MTREX: variants seen among roughly 807,000 people sequenced by gnomAD.
MTREX encodes the protein Mtr4 exosome RNA helicase, also known as exosome RNA helicase MTR4.
MTREX carries 76 observed loss-of-function variants against 135.4 expected under a neutral mutation model. The observed-to-expected ratio is 0.56, with a 90% CI of 0.47 to 0.68. The LOEUF (loss-of-function observed/expected upper bound fraction) is 0.68. MTREX is among the 30% of genes least tolerant of loss of function. The pLI is 0.00. For missense variants in MTREX, 920 were observed against 1,262.1 expected (o/e 0.73, Z 4.11); for synonymous variants, 404 against 401.6 (o/e 1.01, Z -0.07).
intron 1 of MTREX, among the ~76,000 whole-genome samples, chr5:55,318,076 T>A (rs1423041007): frequency 6.6e-6 from 1 of 152,116 alleles, no homozygotes; most frequent in African/African-American, 2.4e-5. Flanking sequence ...TGAGATACCA[T>A]CTAACACCAG....
At chr5:55,377,472 A>G (rs966567689) in intron 16 of MTREX, among the ~76,000 whole-genome samples, 4 of 152,244 alleles carry the variant, frequency 2.6e-5, no homozygotes, top group Non-Finnish European at 5.9e-5. Flanking sequence ...ATGAAACTAT[A>G]TATTTGCCAA....
chr5:55,370,845 T>C (rs980681276), intron 16 of MTREX, among the ~76,000 whole-genome samples: 2 of 152,192 alleles, frequency 1.3e-5, no homozygotes, highest in African/African-American at 4.8e-5. Context: ...GCACTGGTAT[T>C]ATTTTTACCA....
intron 3 of MTREX, among the ~76,000 whole-genome samples, chr5:55,326,652 G>C (rs1024908643): frequency 2.6e-5 from 4 of 152,054 alleles, no homozygotes; most frequent in Admixed American, 6.5e-5. Flanking sequence ...TGTTCTGCCA[G>C]TATTCTTGGT....
intron 21 of MTREX, among the ~76,000 whole-genome samples, chr5:55,403,845 A>G (rs1420811680): frequency 6.6e-6 from 1 of 152,226 alleles, no homozygotes; most frequent in African/African-American, 2.4e-5. Flanking sequence ...TTTGAACCCC[A>G]TCTTTATCAC....
intron 12 of MTREX, 23 bp from the exon 13 acceptor site, chr5:55,350,896 T>C (rs1471981324): frequency 6.5e-7 from 1 of 1,531,928 alleles, no homozygotes; most frequent in East Asian, 2.3e-5. Context: ...CATTATAAAA[T>C]CAGTGTTATT....
intron 22 of MTREX, among the ~76,000 whole-genome samples, chr5:55,406,705 A>G (rs764549761): frequency 1.3e-5 from 2 of 152,188 alleles, no homozygotes; most frequent in Admixed American, 1.3e-4. Flanking sequence ...AGTAGCCACT[A>G]TTTAGCATTT....
At chr5:55,396,740 G>A (rs777380947) in intron 19 of MTREX, among the ~76,000 whole-genome samples, 15 of 152,294 alleles carry the variant, frequency 9.8e-5, no homozygotes, top group Middle Eastern at 6.8e-3. Context: ...TTTGCTATCA[G>A]CAAGCCAGTG....
At chr5:55,385,133 G>A (rs1476442803) in intron 18 of MTREX, among the ~76,000 whole-genome samples, 1 of 152,176 alleles carries the variant, frequency 6.6e-6, no homozygotes, top group Non-Finnish European at 1.5e-5. Context: ...AAGTCTCTGA[G>A]TCAAAATTCT....
intron 1 of MTREX, among the ~76,000 whole-genome samples, chr5:55,313,187 A>G (rs1239618709): frequency 1.3e-5 from 2 of 151,702 alleles, no homozygotes; most frequent in African/African-American, 2.4e-5. Context: ...CTGTAATCCC[A>G]GCACTTTCGG....
rs74915001 is a variant in MTREX at position 55,360,652 on chromosome 5, A to G, written c.1659+1954A>G. ...TTTGGTTAATAGCCATCCTTGGGGT[A>G]TGAAGGAGAACATTTCACTTTGAAT... On this transcript the variant is annotated intron_variant, in intron 15 of 26. Coordinates refer to ENST00000230640, the MANE Select transcript of MTREX (RefSeq NM_015360.5). Among the ~76,000 whole-genome samples the G allele has an allele frequency of 3.0e-4, 46 of 152,282 alleles. 1 individual carries two copies. In the East Asian group the frequency reaches 8.5e-3, roughly 28 times the overall value.
At chr5:55,385,609 T>C (rs1750465453) in intron 18 of MTREX, among the ~76,000 whole-genome samples, 1 of 152,278 alleles carries the variant, frequency 6.6e-6, no homozygotes, top group African/African-American at 2.4e-5. Flanking sequence ...AAGACTTTAC[T>C]GAATTTTAGA....
chr5:55,360,176 T>C (rs1749984308), intron 15 of MTREX, among the ~76,000 whole-genome samples: 1 of 152,216 alleles, frequency 6.6e-6, no homozygotes, highest in Admixed American at 6.5e-5. Context: ...TTGTGGACAT[T>C]TCATATAAAC....
At chr5:55,332,330 T>C (rs1269033444) in intron 5 of MTREX, among the ~76,000 whole-genome samples, 1 of 152,150 alleles carries the variant, frequency 6.6e-6, no homozygotes, top group Non-Finnish European at 1.5e-5. Flanking sequence ...CTATGACCTT[T>C]CCAGTTGAGT....
intron 12 of MTREX, 28 bp downstream of exon 12, chr5:55,349,680 G>A (rs370760759): frequency 1.6e-6 from 2 of 1,220,470 alleles, no homozygotes; most frequent in Non-Finnish European, 2.4e-6. Flanking sequence ...GTAGATAAAA[G>A]TGTAGATAAT....
chr5:55,417,420 A>G (rs1444359855), intron 25 of MTREX, among the ~76,000 whole-genome samples: 1 of 152,234 alleles, frequency 6.6e-6, no homozygotes, highest in Non-Finnish European at 1.5e-5. Context: ...CTGTAACTAC[A>G]TGTAAGTTCA....
intron 20 of MTREX, among the ~76,000 whole-genome samples, chr5:55,399,438 C>T (rs1750689685): frequency 6.6e-6 from 1 of 152,078 alleles, no homozygotes; most frequent in Non-Finnish European, 1.5e-5. Flanking sequence ...TTGCATTTAA[C>T]CATTAATCAT....
chr5:55,380,345 C>T (rs574881360), intron 18 of MTREX, among the ~76,000 whole-genome samples: 1 of 152,242 alleles, frequency 6.6e-6, no homozygotes, highest in Admixed American at 6.5e-5. Flanking sequence ...ATATGTGCAA[C>T]CATCACCACA....
intron 16 of MTREX, among the ~76,000 whole-genome samples, chr5:55,370,111 C>T (rs371160204): frequency 1.1e-4 from 16 of 151,978 alleles, no homozygotes; most frequent in East Asian, 7.7e-4. Flanking sequence ...TTAGTAGAGA[C>T]GGGGTTTCTC....
At chr5:55,373,146 A>G (rs1750234584) in intron 16 of MTREX, among the ~76,000 whole-genome samples, 1 of 130,420 alleles carries the variant, frequency 7.7e-6, no homozygotes, top group Non-Finnish European at 1.7e-5. Context: ...TTTTTGTCTT[A>G]GATCTGTTCA....
Sources: allele counts gnomAD v4.1 joint callset (sites outside exome capture counted in the v4.1 genomes callset), GRCh38; gene constraint gnomAD v4.1.1; transcripts MANE v1.5; gene names NCBI Gene and HGNC (gene_info 2026-07-23, HGNC 2026-07-21).